The following ANO10 variants were observed in gnomAD, a reference collection of about 807,000 sequenced individuals.
The protein encoded by ANO10 is anoctamin 10.
In ANO10, 77 loss-of-function variants were observed where a neutral mutation model predicts 74.7. The observed-to-expected ratio is 1.03, with a 90% CI of 0.86 to 1.25. ANO10 has a LOEUF of 1.25. Ranked by LOEUF, ANO10 falls within the 50% of genes most tolerant of loss-of-function variation. ANO10 has a pLI of 0.00. For missense variants in ANO10, 721 were observed against 778.1 expected, an observed-to-expected ratio of 0.93 and a Z score of 0.87; for synonymous variants, 279 against 284.9, an observed-to-expected ratio of 0.98 and a Z score of 0.21.
At chr3:43,463,089 A>T (rs1041052703) in intron 11 of ANO10, among the ~76,000 whole-genome samples, 1 of 152,196 alleles carries the variant, frequency 6.6e-6, no homozygotes, top group Non-Finnish European at 1.5e-5. Flanking sequence ...AGGAAGGGAA[A>T]TGAGGGGTCA....
intron 11 of ANO10, among the ~76,000 whole-genome samples, chr3:43,536,864 T>C (rs1282984391): frequency 1.3e-5 from 2 of 152,104 alleles, no homozygotes. Context: ...CAAGTTTTTA[T>C]ACATTTTAAA....
chr3:43,397,730 G>A (rs1445258046), intron 12 of ANO10, among the ~76,000 whole-genome samples: 1 of 152,128 alleles, frequency 6.6e-6, no homozygotes, highest in Non-Finnish European at 1.5e-5. Flanking sequence ...ATCTCTCCTT[G>A]CAGCTCTGCT....
intron 6 of ANO10, among the ~76,000 whole-genome samples, chr3:43,575,756 G>A (rs1427725388): frequency 6.6e-6 from 1 of 151,994 alleles, no homozygotes; most frequent in Non-Finnish European, 1.5e-5. Flanking sequence ...TCCTGCCTCA[G>A]CCTCCTGAGT....
intron 4 of ANO10, among the ~76,000 whole-genome samples, chr3:43,593,483 C>T (rs1231604390): frequency 6.6e-6 from 1 of 152,176 alleles, no homozygotes; most frequent in Non-Finnish European, 1.5e-5. Context: ...GAATTTTCAA[C>T]CCAGAATTTC....
chr3:43,633,356 T>C (rs1320995775), intron 1 of ANO10, among the ~76,000 whole-genome samples: 2 of 152,228 alleles, frequency 1.3e-5, no homozygotes, highest in Admixed American at 1.3e-4. Flanking sequence ...ATTTCCACTG[T>C]GTTTTTACTG....
chr3:43,477,882 G>GC (rs1235129059), intron 11 of ANO10, among the ~76,000 whole-genome samples: 1 of 152,172 alleles, frequency 6.6e-6, no homozygotes, highest in Non-Finnish European at 1.5e-5. Context: ...TTTGGCAGGG[G>GC]CCCGCCAACC....
intron 11 of ANO10, among the ~76,000 whole-genome samples, chr3:43,443,397 G>A (rs983479063): frequency 1.1e-4 from 16 of 152,146 alleles, no homozygotes; most frequent in Non-Finnish European, 1.9e-4. Context: ...TTTCTTCTTT[G>A]GTAGGTCTGG....
chr3:43,586,260 G>A (rs2081476913), intron 4 of ANO10, among the ~76,000 whole-genome samples: 1 of 152,130 alleles, frequency 6.6e-6, no homozygotes, highest in African/African-American at 2.4e-5. Flanking sequence ...AGAGTGACCT[G>A]CTGGGACCAA....
rs1575490972 is a variant in ANO10 at position 43,588,267 on chromosome 3, T to C, written c.473-7795A>G. On this transcript the variant is annotated intron_variant, in intron 4 of 12. Coordinates refer to ENST00000292246, the MANE Select transcript of ANO10 (RefSeq NM_018075.5). ...TTACGGTAATGTTATTAAGAATCAA[T>C]ATTTTCAATATGAGTAAAAAGATAC... Among the ~76,000 whole-genome samples, 4 of 152,210 alleles carry C rather than the reference T, an allele frequency of 2.6e-5. No homozygotes were observed. The South Asian group carries it at 8.3e-4, about 32-fold the overall frequency.
At chr3:43,431,977 T>C (rs1388647397) in intron 12 of ANO10, among the ~76,000 whole-genome samples, 2 of 152,158 alleles carry the variant, frequency 1.3e-5, no homozygotes, top group Non-Finnish European at 2.9e-5. Flanking sequence ...TGGCAATGCC[T>C]TACTGATTCT....
intron 1 of ANO10, among the ~76,000 whole-genome samples, chr3:43,616,359 T>C (rs1179733899): frequency 6.6e-6 from 1 of 152,208 alleles, no homozygotes; most frequent in Admixed American, 6.5e-5. Context: ...GACAACCTTT[T>C]GTTTTTTTCT....
chr3:43,616,932 T>C (rs2083138009), intron 1 of ANO10, among the ~76,000 whole-genome samples: 1 of 151,652 alleles, frequency 6.6e-6, no homozygotes, highest in Non-Finnish European at 1.5e-5. Flanking sequence ...CCTCTCTGTG[T>C]TTTTTCATGC....
intron 1 of ANO10, among the ~76,000 whole-genome samples, chr3:43,606,522 C>G (rs989274892): frequency 1.3e-5 from 2 of 151,754 alleles, no homozygotes; most frequent in African/African-American, 4.8e-5. Flanking sequence ...GTGTGGGAGG[C>G]CAGTTAGGGG....
At chr3:43,374,532 T>G (rs1372736675) in intron 12 of ANO10, among the ~76,000 whole-genome samples, 3 of 152,214 alleles carry the variant, frequency 2.0e-5, no homozygotes, top group African/African-American at 7.2e-5. Context: ...GCCCCTACCC[T>G]GATGTTGGAT....
chr3:43,553,335 C>G (rs869045734), intron 10 of ANO10, among the ~76,000 whole-genome samples: 5 of 152,090 alleles, frequency 3.3e-5, no homozygotes, highest in African/African-American at 1.2e-4. Context: ...CTTGAATCTG[C>G]AGTTTTGGGT....
intron 11 of ANO10, among the ~76,000 whole-genome samples, chr3:43,439,531 T>C (rs1213898902): frequency 6.6e-6 from 1 of 151,980 alleles, no homozygotes; most frequent in African/African-American, 2.4e-5. Context: ...CTTTTAATTC[T>C]AGTATACACT....
At chr3:43,531,616 G>A (rs1048570809) in intron 11 of ANO10, among the ~76,000 whole-genome samples, 21 of 152,130 alleles carry the variant, frequency 1.4e-4, no homozygotes, top group Non-Finnish European at 3.1e-4. Flanking sequence ...TCATGAGGCC[G>A]GGCGCAGTGG....
At chr3:43,490,585 T>C (rs542010021) in intron 11 of ANO10, among the ~76,000 whole-genome samples, 1 of 152,146 alleles carries the variant, frequency 6.6e-6, no homozygotes, top group Non-Finnish European at 1.5e-5. Flanking sequence ...GTCTAGACCA[T>C]AGAAAAAGAT....
chr3:43,442,613 T>TATCA (rs1393149940), intron 11 of ANO10, among the ~76,000 whole-genome samples: 1 of 152,140 alleles, frequency 6.6e-6, no homozygotes, highest in African/African-American at 2.4e-5. Flanking sequence ...AAAACGTGTA[T>TATCA]ATCACCCAAA....
Sources: allele counts gnomAD v4.1 joint callset (sites outside exome capture counted in the v4.1 genomes callset), GRCh38; gene constraint gnomAD v4.1.1; transcripts MANE v1.5; gene names NCBI Gene and HGNC (gene_info 2026-07-23, HGNC 2026-07-21).